The following STARD10 variants were observed in gnomAD, a reference collection of about 807,000 sequenced individuals.
STARD10 encodes the protein StAR related lipid transfer domain containing 10.
Under a neutral mutation model 36.0 loss-of-function variants are expected in STARD10, and 24 were observed. The ratio of observed to expected loss-of-function variants is 0.67; its 90% CI spans 0.48 to 0.94. The LOEUF (loss-of-function observed/expected upper bound fraction) is 0.94. Ranked by LOEUF, STARD10 falls within the 40% of genes least tolerant of loss-of-function variation. STARD10 has a pLI of 0.00. For missense variants in STARD10, 335 were observed against 396.6 expected (o/e 0.84, Z 1.32); for synonymous variants, 156 against 161.9 (o/e 0.96, Z 0.28).
Position 72,755,771 on chromosome 11 carries a change from G to A in STARD10, c.578-18C>T, listed in dbSNP as rs761626179. ...TAAGGAGCCTGTGAGGGCAGGGAAG[G>A]GAGGAAGCAGCCTCAGGGACCCAGC... is the stretch of plus-strand genomic sequence containing the variant. On this transcript the variant is annotated intron_variant, in intron 5 of 6. Transcript: ENST00000334805. 23 of 1,605,458 alleles carry A rather than the reference G, an allele frequency of 1.4e-5. No individual in the cohort carries two copies. Among genetic ancestry groups the A allele is most frequent in the African/African-American group, 6.7e-5 (5 of 74,528 alleles).
intron 2 of STARD10, among the ~76,000 whole-genome samples, chr11:72,768,659 G>T (rs186589501): frequency 1.6e-4 from 24 of 152,354 alleles, no homozygotes; most frequent in Admixed American, 7.2e-4. Context: ...CAGACTGGCT[G>T]CCCCCTGTCC....
intron 1 of STARD10, among the ~76,000 whole-genome samples, chr11:72,789,810 C>G (rs543451658): frequency 6.2e-4 from 95 of 152,326 alleles, no homozygotes; most frequent in African/African-American, 2.3e-3. Flanking sequence ...GCACTGCTAT[C>G]TGGGGACTCC....
intron 2 of STARD10, among the ~76,000 whole-genome samples, chr11:72,773,556 G>A (rs1235089208): frequency 5.3e-5 from 8 of 152,182 alleles, no homozygotes; most frequent in South Asian, 4.1e-4. Context: ...AGGCACAGGC[G>A]CACATACCTT....
chr11:72,768,599 T>A (rs1384094557), intron 2 of STARD10, among the ~76,000 whole-genome samples: 1 of 152,208 alleles, frequency 6.6e-6, no homozygotes, highest in Non-Finnish European at 1.5e-5. Context: ...TCCCAGGACT[T>A]CCTCTCACTA....
In STARD10 at chr11:72,754,811, CG is replaced by C. The variant is rs753732206; in HGVS notation, c.*85del. 5 of 1,526,358 alleles carry C rather than the reference CG, an allele frequency of 3.3e-6. No individual in the cohort carries two copies. The East Asian group carries it at 9.7e-5, about 30-fold the overall frequency. The allele number at this position is 1,526,358 out of a possible 1,614,324, so 94.6% of individuals were successfully genotyped here. ...GGCCTGGCCCGGTGCCACCAGGTGC[CG>C]GGTGGGGGAGGGGAGAAAGTGCAGG... is the stretch of plus-strand genomic sequence containing the variant. On this transcript the variant is annotated 3_prime_UTR_variant, in exon 7 of 7. Coordinates refer to ENST00000334805, the MANE Select transcript of STARD10 (RefSeq NM_006645.3).
chr11:72,781,001 T>C lies in STARD10; in HGVS notation c.181A>G (p.Met61Val), dbSNP rs1858986809. ...TTGATCTTGTGCAGCGTCCGATCCA[T>C]CTCCACAGCCTGCACCCAGACAGAC... ...GVSVWVQAVE[M>V]DRTLHKIKCR... Residue 61 changes from methionine to valine, a missense_variant, in exon 2 of 7, where the codon ATG (methionine) becomes GTG (valine). Physicochemically the swap from Met to Val is conservative, Grantham distance 21 (BLOSUM62 1). Coordinates refer to ENST00000334805, the MANE Select transcript of STARD10 (RefSeq NM_006645.3). The surrounding 1 kb of genome is among the most constrained non-coding windows in gnomAD (Gnocchi z 4.7). The C allele has an allele frequency of 2.5e-6, 4 of 1,613,930 alleles. No individual in the cohort carries two copies. The highest frequency in any genetic ancestry group is 3.4e-6 in the Non-Finnish European group (4 of 1,180,010).
chr11:72,783,716 T>C (rs1273053452), intron 1 of STARD10: 3 of 152,102 alleles, frequency 2.0e-5, no homozygotes, highest in African/African-American at 7.3e-5. Flanking sequence ...AGGGCCCCAA[T>C]AAAACACACC....
At chr11:72,778,030 C>G (rs917947075) in intron 2 of STARD10, among the ~76,000 whole-genome samples, 3 of 152,310 alleles carry the variant, frequency 2.0e-5, no homozygotes, top group African/African-American at 7.2e-5. Flanking sequence ...CCCAGGGATT[C>G]TGGCTCCAGA....
chr11:72,769,310 T>C (rs1256126167), intron 2 of STARD10, among the ~76,000 whole-genome samples: 1 of 152,192 alleles, frequency 6.6e-6, no homozygotes, highest in Non-Finnish European at 1.5e-5. Context: ...TCACTGCTTA[T>C]GAAGGTATGG....
chr11:72,789,332 G>C (rs563909682), intron 1 of STARD10, among the ~76,000 whole-genome samples: 1 of 152,294 alleles, frequency 6.6e-6, no homozygotes, highest in South Asian at 2.1e-4. Flanking sequence ...ATCTGTCTCC[G>C]AGGCCTGGCC....
rs1414400747 is a variant in STARD10 at position 72,793,747 on chromosome 11, C to G, written c.-986G>C. 1.3e-5 allele frequency: 2 copies of G among 152,212 alleles called. No homozygotes were observed. The highest frequency in any genetic ancestry group is 4.1e-4 in the South Asian group (2 of 4,834). 9.4% of individuals were successfully genotyped at this position (152,212 alleles called of 1,614,324 possible). Reference sequence around the variant, plus strand: ...TGTTTACAGCGGCCGCGAAGCCCCGCGTTTGCGCGTGCGCTTCCCGCCCGG... The same window carrying G: ...TGTTTACAGCGGCCGCGAAGCCCCGGGTTTGCGCGTGCGCTTCCCGCCCGG... On this transcript the variant is annotated 5_prime_UTR_variant, in exon 1 of 7. Transcript: ENST00000334805.
At chr11:72,780,495 A>G (rs1182033040) in intron 2 of STARD10, 1 of 406,476 alleles carries the variant, frequency 2.5e-6, no homozygotes, top group South Asian at 1.7e-5. Flanking sequence ...GAGCAAGAGC[A>G]GGGCATCGGG....
chr11:72,759,085 C>T (rs1001907124), intron 3 of STARD10, 149 bp downstream of exon 3: 1 of 866,734 alleles, frequency 1.2e-6, no homozygotes. Context: ...TAGGAGTGGA[C>T]AGGGAGGGCA....
rs751362410 is a variant in STARD10, at chr11:72,758,577, G to A, written c.412C>T (p.Pro138Ser). 14 of 1,614,118 alleles carry A rather than the reference G, an allele frequency of 8.7e-6. 1 individual carries two copies. In the South Asian group the frequency reaches 1.4e-4, roughly 16 times the overall value. ...RDVITLRSWLPMGADYIIMNY... is the reference protein window; with the variant it reads ...RDVITLRSWLSMGADYIIMNY... ...ATAATGATGTAATCAGCGCCCATGGGGAGCCAGGAGCGGAGGGTGATGACA... is the reference window on the plus strand; with the variant it reads ...ATAATGATGTAATCAGCGCCCATGGAGAGCCAGGAGCGGAGGGTGATGACA... The change falls in exon 4 of 7, where the codon CCC (proline) becomes TCC (serine). Residue 138 changes from proline (P) to serine (S), a missense_variant. By Grantham distance (74) the Pro-to-Ser change is moderately conservative (BLOSUM62 -1). Coordinates refer to ENST00000334805, the MANE Select transcript of STARD10 (RefSeq NM_006645.3).
chr11:72,755,985 G>C (rs754996827), intron 5 of STARD10: 4 of 456,870 alleles, frequency 8.8e-6, no homozygotes, highest in Non-Finnish European at 1.6e-5. Flanking sequence ...CAAAGATTAC[G>C]TGGAAGAAAA....
At chr11:72,765,010 G>A (rs756749010) in intron 2 of STARD10, among the ~76,000 whole-genome samples, 21 of 152,246 alleles carry the variant, frequency 1.4e-4, no homozygotes, top group Non-Finnish European at 2.6e-4. Context: ...GCTCACTCCT[G>A]TAATCCTAGC....
At chr11:72,758,428 C>A in intron 4 of STARD10, 102 bp downstream of exon 4, 2 of 876,142 alleles carry the variant, frequency 2.3e-6, no homozygotes, top group Non-Finnish European at 3.7e-6. Context: ...GCCAGTGGGC[C>A]CATGCCTGCC....
At chr11:72,785,335 C>T (rs1371829477) in intron 1 of STARD10, among the ~76,000 whole-genome samples, 7 of 151,782 alleles carry the variant, frequency 4.6e-5, no homozygotes, top group South Asian at 2.1e-4. Context: ...GAGGCCGATA[C>T]GGGTGGATCA....
intron 5 of STARD10, among the ~76,000 whole-genome samples, chr11:72,757,342 G>A (rs1391958764): frequency 6.6e-6 from 1 of 152,192 alleles, no homozygotes; most frequent in African/African-American, 2.4e-5. Context: ...GAAGGGAGAT[G>A]TCCAGGTGGC....
Sources: allele counts gnomAD v4.1 joint callset (sites outside exome capture counted in the v4.1 genomes callset), GRCh38; gene constraint gnomAD v4.1.1; non-coding constraint Gnocchi (gnomAD v3.1); transcripts MANE v1.5; gene names NCBI Gene and HGNC (gene_info 2026-07-23, HGNC 2026-07-21).